TANC2: variants seen among roughly 807,000 people sequenced by gnomAD.
The protein encoded by TANC2 is protein TANC2.
A neutral mutation model predicts 210.5 loss-of-function variants in TANC2; 26 were observed. That is an observed-to-expected ratio of 0.12 (90% CI 0.09 to 0.17). The LOEUF (loss-of-function observed/expected upper bound fraction) is 0.17, where lower values mean the gene tolerates loss of function less well. TANC2 is among the 10% of genes least tolerant of loss of function. The pLI is 1.00. For missense variants in TANC2, 2,129 were observed against 2,608.9 expected (o/e 0.82, Z 4.01); for synonymous variants, 931 against 967.1 (o/e 0.96, Z 0.69).
At chr17:63,026,716 A>G (rs912458059) in intron 2 of TANC2, among the ~76,000 whole-genome samples, 1 of 152,154 alleles carries the variant, frequency 6.6e-6, no homozygotes, top group African/African-American at 2.4e-5. Context: ...TTTGCTTTCA[A>G]ATGTAATTTA....
chr17:63,207,309 G>A (rs763882834), intron 7 of TANC2, among the ~76,000 whole-genome samples: 10 of 142,800 alleles, frequency 7.0e-5, no homozygotes, highest in South Asian at 2.2e-4. Context: ...TCCACCTCCC[G>A]GGTTCATGCC....
intron 8 of TANC2, among the ~76,000 whole-genome samples, chr17:63,257,824 T>C (rs1367754317): frequency 6.6e-6 from 1 of 152,250 alleles, no homozygotes; most frequent in Non-Finnish European, 1.5e-5. Flanking sequence ...TTATATCTTA[T>C]ACTATCTATG....
chr17:63,206,311 A>G (rs779282630), intron 7 of TANC2, among the ~76,000 whole-genome samples: 11 of 152,256 alleles, frequency 7.2e-5, no homozygotes, highest in Non-Finnish European at 1.6e-4. Context: ...AAAAAGTTCA[A>G]CATAGAATTG....
At chr17:63,317,074 A>G (rs2045338626) in intron 10 of TANC2, among the ~76,000 whole-genome samples, 1 of 152,064 alleles carries the variant, frequency 6.6e-6, no homozygotes, top group Non-Finnish European at 1.5e-5. Context: ...TTGGGTGATG[A>G]TACTAATTAA....
chr17:63,307,240 C>T (rs1175982802), intron 9 of TANC2, among the ~76,000 whole-genome samples: 1 of 152,000 alleles, frequency 6.6e-6, no homozygotes, highest in African/African-American at 2.4e-5. Context: ...TCAGACAGGC[C>T]CAGTTCCAGC....
At chr17:63,302,398 ATTGTG>A (rs2044747692) in intron 9 of TANC2, among the ~76,000 whole-genome samples, 1 of 151,954 alleles carries the variant, frequency 6.6e-6, no homozygotes, top group Non-Finnish European at 1.5e-5. Flanking sequence ...TCCCACTATT[ATTGTG>A]TGGGAATCTA....
intron 8 of TANC2, among the ~76,000 whole-genome samples, chr17:63,240,993 TAGTG>T (rs1175117659): frequency 2.6e-5 from 4 of 152,212 alleles, no homozygotes; most frequent in Non-Finnish European, 4.4e-5. Context: ...AGAGGTTCCA[TAGTG>T]AGTGAACTAA....
intron 6 of TANC2, among the ~76,000 whole-genome samples, chr17:63,197,216 A>G (rs778498872): frequency 2.0e-5 from 3 of 152,196 alleles, no homozygotes; most frequent in Non-Finnish European, 4.4e-5. Flanking sequence ...TGGGGGAAAT[A>G]ACATACATTA....
At chr17:62,979,157 A>G (rs148315969) in intron 1 of TANC2, among the ~76,000 whole-genome samples, 5 of 152,200 alleles carry the variant, frequency 3.3e-5, no homozygotes, top group African/African-American at 1.2e-4. Context: ...AGTGTCTTCT[A>G]TACATGCAGT....
At chr17:63,309,306 A>G (rs756140292) in intron 9 of TANC2, among the ~76,000 whole-genome samples, 2 of 152,218 alleles carry the variant, frequency 1.3e-5, no homozygotes, top group Non-Finnish European at 1.5e-5. Context: ...AAAGTTGGAC[A>G]CATTTACAGT....
At chr17:63,202,042 C>T (rs1409299560) in intron 7 of TANC2, among the ~76,000 whole-genome samples, 2 of 152,042 alleles carry the variant, frequency 1.3e-5, no homozygotes, top group Non-Finnish European at 2.9e-5. Flanking sequence ...GGACACTGTT[C>T]TAATGCTCTT....
exon 6 of TANC2, chr17:63,194,082 A>G (rs1189184480): frequency 1.2e-6 from 2 of 1,613,466 alleles, no homozygotes; most frequent in Admixed American, 1.7e-5. Flanking sequence ...TTGGAGAGAA[A>G]GTCACAGAAG....
At chr17:63,222,645 T>A (rs911625666) in intron 7 of TANC2, among the ~76,000 whole-genome samples, 1 of 152,130 alleles carries the variant, frequency 6.6e-6, no homozygotes, top group Non-Finnish European at 1.5e-5. Flanking sequence ...ACTGGATACA[T>A]TTGTCAAAAC....
At chr17:63,340,399 A>G in intron 12 of TANC2, 67 bp downstream of exon 12, 1 of 1,318,550 alleles carries the variant, frequency 7.6e-7, no homozygotes, top group Non-Finnish European at 1.1e-6. Context: ...GGGTCATACT[A>G]TAAAAATGAT....
At chr17:63,025,533 C>T (rs564700081) in intron 2 of TANC2, among the ~76,000 whole-genome samples, 9 of 152,174 alleles carry the variant, frequency 5.9e-5, no homozygotes, top group South Asian at 4.1e-4. Context: ...TGGTAGCTCA[C>T]GCCTGTAATC....
intron 14 of TANC2, among the ~76,000 whole-genome samples, chr17:63,365,614 G>T (rs1037046368): frequency 3.3e-5 from 5 of 152,142 alleles, no homozygotes; most frequent in African/African-American, 1.2e-4. Context: ...TATAGCTTCT[G>T]CCTCCCTCCC....
intron 2 of TANC2, among the ~76,000 whole-genome samples, chr17:63,016,578 A>G (rs1021130469): frequency 3.0e-4 from 45 of 152,270 alleles, no homozygotes; most frequent in African/African-American, 1.0e-3. Context: ...TTTTGGGTAT[A>G]TAGGAGTGGG....
At chr17:63,271,012 G>A (rs190469130) in intron 9 of TANC2, among the ~76,000 whole-genome samples, 305 of 152,178 alleles carry the variant, frequency 2.0e-3, no homozygotes, top group Middle Eastern at 6.8e-3. Flanking sequence ...CTTTTTTACG[G>A]CTTCATGGTA....
intron 2 of TANC2, among the ~76,000 whole-genome samples, chr17:63,027,545 T>A (rs956437436): frequency 1.3e-5 from 2 of 152,058 alleles, no homozygotes; most frequent in Non-Finnish European, 2.9e-5. Context: ...AAAAAAAACC[T>A]CTTGATAACA....
Sources: allele counts gnomAD v4.1 joint callset (sites outside exome capture counted in the v4.1 genomes callset), GRCh38; gene constraint gnomAD v4.1.1; transcripts MANE v1.5; gene names NCBI Gene and HGNC (gene_info 2026-07-23, HGNC 2026-07-21).